TMC1: variants seen among roughly 807,000 people sequenced by gnomAD.
The protein encoded by TMC1 is transmembrane channel-like protein 1.
A neutral mutation model predicts 105.8 loss-of-function variants in TMC1; 84 were observed. That is an observed-to-expected ratio of 0.79 (90% confidence interval 0.67 to 0.95). The LOEUF (loss-of-function observed/expected upper bound fraction) is 0.95, where lower values mean the gene tolerates loss of function less well. Ranked by LOEUF, TMC1 falls within the 40% of genes least tolerant of loss-of-function variation. The probability of loss-of-function intolerance (pLI) is 0.00; values close to 1 mark genes in which losing one functional copy is unlikely to be tolerated. For missense variants in TMC1, 817 were observed against 914.1 expected (o/e 0.89, Z 1.37); for synonymous variants, 315 against 311.5 (o/e 1.01, Z -0.12).
At chr9:72,563,141 T>A (rs1366056362) in intron 1 of TMC1, among the ~76,000 whole-genome samples, 1 of 152,054 alleles carries the variant, frequency 6.6e-6, no homozygotes, top group East Asian at 1.9e-4. Flanking sequence ...GAGGGGAGAA[T>A]AGCAAGTACT....
intron 2 of TMC1, among the ~76,000 whole-genome samples, chr9:72,605,936 C>T (rs1824903712): frequency 6.6e-6 from 1 of 152,088 alleles, no homozygotes; most frequent in South Asian, 2.1e-4. Context: ...GCCCTGTCTC[C>T]AAATATAGTC....
chr9:72,584,502 A>G (rs989293111), intron 2 of TMC1, among the ~76,000 whole-genome samples: 2 of 152,022 alleles, frequency 1.3e-5, no homozygotes, highest in East Asian at 3.9e-4. Context: ...CCTGAGCTCA[A>G]GTGATCTGCC....
rs1045331964 is a variant in TMC1, at chr9:72,606,068, T to C, written c.-305-10300T>C. Among the ~76,000 whole-genome samples, 101 of 152,066 alleles carry C rather than the reference T, an allele frequency of 6.6e-4. 1 individual carries two copies. The highest frequency in any genetic ancestry group is 2.6e-4 in the Non-Finnish European group (18 of 68,020). ...GGGTTAGGATGTCAACATATGAATT[T>C]GAGGGGGCACAATTTAGCCCATAGA... On this transcript the variant is annotated intron_variant, in intron 2 of 23. Coordinates refer to ENST00000297784, the MANE Select transcript of TMC1 (RefSeq NM_138691.3).
chr9:72,727,784 T>A (rs1353336935), intron 8 of TMC1, among the ~76,000 whole-genome samples: 1 of 152,154 alleles, frequency 6.6e-6, no homozygotes, highest in Non-Finnish European at 1.5e-5. Context: ...TGATATGGCC[T>A]GGAACTCTGC....
At chr9:72,581,058 T>C (rs1408778005) in intron 2 of TMC1, among the ~76,000 whole-genome samples, 1 of 152,218 alleles carries the variant, frequency 6.6e-6, no homozygotes, top group South Asian at 2.1e-4. Flanking sequence ...AACAGTTTGA[T>C]CCTAACTTCA....
At chr9:72,814,819 G>A (rs955873967) in intron 18 of TMC1, among the ~76,000 whole-genome samples, 2 of 151,776 alleles carry the variant, frequency 1.3e-5, no homozygotes, top group Non-Finnish European at 2.9e-5. Context: ...TCCAAATCAG[G>A]AACCAATTCT....
chr9:72,625,455 G>A (rs779624594), intron 3 of TMC1, among the ~76,000 whole-genome samples: 7 of 152,146 alleles, frequency 4.6e-5, no homozygotes, highest in Non-Finnish European at 7.4e-5. Context: ...TTGGGAGGCC[G>A]AGGCAGGTGG....
intron 13 of TMC1, among the ~76,000 whole-genome samples, chr9:72,781,709 T>C (rs13292330): frequency 0.07 from 10,629 of 152,116 alleles, 435 homozygotes; most frequent in African/African-American, 0.11. Context: ...CTAGAACACT[T>C]AGAAGAAATG....
At chr9:72,716,740 C>T (rs1324881502) in intron 8 of TMC1, among the ~76,000 whole-genome samples, 1 of 152,176 alleles carries the variant, frequency 6.6e-6, no homozygotes, top group Non-Finnish European at 1.5e-5. Flanking sequence ...ACTTGGCTCC[C>T]TGGCTTCAGC....
intron 1 of TMC1, among the ~76,000 whole-genome samples, chr9:72,534,255 C>G (rs961793806): frequency 1.3e-5 from 2 of 152,162 alleles, no homozygotes; most frequent in Non-Finnish European, 2.9e-5. Flanking sequence ...TCTCTCTTCT[C>G]CAATTCTCAA....
chr9:72,754,150 C>G, intron 11 of TMC1, among the ~76,000 whole-genome samples: 1 of 152,108 alleles, frequency 6.6e-6, no homozygotes, highest in East Asian at 1.9e-4. Flanking sequence ...CACCAAGGCA[C>G]CTTCCTATGA....
chr9:72,806,380 C>A, intron 18 of TMC1, among the ~76,000 whole-genome samples: 1 of 140,994 alleles, frequency 7.1e-6, no homozygotes, highest in African/African-American at 2.7e-5. Flanking sequence ...CCGGACGGGG[C>A]GGCTGGCCGG....
intron 1 of TMC1, 68 bp from the exon 2 acceptor site, chr9:72,577,834 C>T (rs1183835027): frequency 6.6e-6 from 1 of 151,926 alleles, no homozygotes; most frequent in African/African-American, 2.4e-5. Flanking sequence ...TTGGGCTCTG[C>T]CTCTTGTAAT....
Position 72,717,928 on chromosome 9 carries a change from T to G in TMC1, c.362+17285T>G, listed in dbSNP as rs540696262. ...TTCTCTTCTTCCTTAGGGACTCCAC[T>G]TATTCTTAGGTTTGGTCATTTAACA... On this transcript the variant is annotated intron_variant, in intron 8 of 23. Transcript: ENST00000297784. Among the ~76,000 whole-genome samples the G allele has an allele frequency of 1.7e-4, 26 of 152,252 alleles. No individual in the cohort carries two copies. In the South Asian group the frequency reaches 5.2e-3, roughly 30 times the overall value.
rs760645934 is a variant in TMC1, at chr9:72,791,917, T to C, written c.1256T>C (p.Phe419Ser). Residue 419 changes from phenylalanine (F) to serine (S), a missense_variant, in exon 16 of 24, where the codon TTC becomes TCC. Transcript: ENST00000297784. ...ATGGTTATGTCCCTCCTAGGGATGT[T>C]CTGTCCAACATTGTTTGACTTATTT... is the stretch of plus-strand genomic sequence containing the variant. ...MNMVMSLLGM[F>S]CPTLFDLFAE... 5 of 1,613,458 alleles carry C rather than the reference T, an allele frequency of 3.1e-6. No homozygotes were observed. The highest frequency in any genetic ancestry group is 4.2e-6 in the Non-Finnish European group (5 of 1,179,948).
chr9:72,633,125 A>C (rs1825477002), intron 4 of TMC1, among the ~76,000 whole-genome samples: 1 of 152,184 alleles, frequency 6.6e-6, no homozygotes, highest in Non-Finnish European at 1.5e-5. Flanking sequence ...CATTTAAAAG[A>C]ATAGGTGGAA....
chr9:72,832,163 G>C (rs1185659885), intron 23 of TMC1, among the ~76,000 whole-genome samples: 1 of 151,872 alleles, frequency 6.6e-6, no homozygotes, highest in Non-Finnish European at 1.5e-5. Context: ...AGTTGCCCAG[G>C]CTGCTCTCAA....
At chr9:72,522,303 G>A (rs778290103) in intron 1 of TMC1, among the ~76,000 whole-genome samples, 91 of 152,128 alleles carry the variant, frequency 6.0e-4, no homozygotes, top group Non-Finnish European at 1.1e-3. Context: ...GGGTTTCGCC[G>A]TGTTAGCCAG....
rs534560340 is a variant in TMC1, at chr9:72,740,204, G to A, written c.448G>A (p.Ala150Thr). The part of the protein sequence containing the change: ...KRWFAFKMMM[A>T]KKWAKFLRDF... ...GTGGTTTGCATTTAAGATGATGATG[G>A]CCAAGGTAGGTATTTTTATAGTTGT... Residue 150 changes from alanine (A) to threonine (T), a missense_variant, in exon 9 of 24, where the codon GCC becomes ACC. Transcript: ENST00000297784. The A allele has an allele frequency of 2.3e-5, 37 of 1,613,144 alleles. No individual in the cohort carries two copies. The African/African-American group carries it at 4.7e-4, about 20-fold the overall frequency.
Sources: allele counts gnomAD v4.1 joint callset (sites outside exome capture counted in the v4.1 genomes callset), GRCh38; gene constraint gnomAD v4.1.1; transcripts MANE v1.5; gene names NCBI Gene and HGNC (gene_info 2026-07-23, HGNC 2026-07-21).